ACACA: variants seen among roughly 807,000 people sequenced by gnomAD.
The protein encoded by ACACA is acetyl-CoA carboxylase 1.
ACACA carries 103 observed loss-of-function variants against 296.1 expected under a neutral mutation model. That is an observed-to-expected ratio of 0.35 (90% CI 0.30 to 0.41). The LOEUF (loss-of-function observed/expected upper bound fraction) is 0.41. Among genes scored for constraint, ACACA ranks in the 10% least tolerant of loss-of-function variants. ACACA has a pLI of 1.00. For missense variants in ACACA, 1,554 were observed against 2,989.7 expected, an observed-to-expected ratio of 0.52 and a Z score of 11.20; for synonymous variants, 953 against 1,038.6, an observed-to-expected ratio of 0.92 and a Z score of 1.58.
intron 45 of ACACA, among the ~76,000 whole-genome samples, chr17:37,145,595 T>C (rs2075775762): frequency 6.6e-6 from 1 of 152,242 alleles, no homozygotes; most frequent in Admixed American, 6.5e-5. Flanking sequence ...CAGTGAAACT[T>C]AGGGACATGA....
intron 1 of ACACA, among the ~76,000 whole-genome samples, chr17:37,357,774 A>T (rs1302523897): frequency 6.6e-6 from 1 of 152,162 alleles, no homozygotes; most frequent in Non-Finnish European, 1.5e-5. Flanking sequence ...TGCTTTTCTG[A>T]AAAGTGCCTG....
intron 45 of ACACA, 85 bp downstream of exon 45, chr17:37,149,779 C>G: frequency 8.1e-7 from 1 of 1,233,092 alleles, no homozygotes; most frequent in Non-Finnish European, 1.2e-6. Context: ...TGAACTGCTT[C>G]CTTCCAATCA....
chr17:37,339,669 A>G, intron 2 of ACACA, 135 bp downstream of exon 2: 1 of 639,348 alleles, frequency 1.6e-6, no homozygotes, highest in East Asian at 2.6e-5. Context: ...TGTTCACTTC[A>G]GGTTATCCAC....
intron 25 of ACACA, among the ~76,000 whole-genome samples, chr17:37,227,605 A>G (rs2079602006): frequency 6.6e-6 from 1 of 152,170 alleles, no homozygotes. Flanking sequence ...GCTGTGGCTC[A>G]CGCCTGTAAT....
intron 1 of ACACA, among the ~76,000 whole-genome samples, chr17:37,358,634 G>A (rs921541700): frequency 2.6e-5 from 4 of 152,228 alleles, no homozygotes; most frequent in African/African-American, 9.6e-5. Flanking sequence ...AATCGGATTG[G>A]AGAGGGGTCT....
intron 1 of ACACA, among the ~76,000 whole-genome samples, chr17:37,404,891 T>G (rs2051416337): frequency 6.6e-6 from 1 of 152,126 alleles, no homozygotes; most frequent in Admixed American, 6.6e-5. Context: ...AGTGATCCTT[T>G]TACAGCAAAG....
rs1278594130 is a variant in ACACA at position 37,097,176 on chromosome 17, GAGA to G, written c.6721-13_6721-11del. 1.9e-6 allele frequency: 3 copies of G among 1,612,280 alleles called. No homozygotes were observed. Among genetic ancestry groups the G allele is most frequent in the African/African-American group, 1.3e-5 (1 of 75,046 alleles). On this transcript the variant is annotated splice_polypyrimidine_tract_variant and intron_variant, in intron 53 of 55. Transcript: ENST00000616317. This position sits in a 1 kb window ranked among gnomAD's most constrained non-coding sequence, Gnocchi z 4.8. ...TCCAATCCAGGATATCCTACATGCA[GAGA>G]AGAATAAACTTAGCCCAGTCCTAAT...
At chr17:37,382,249 A>G (rs899401490) in intron 1 of ACACA, among the ~76,000 whole-genome samples, 2 of 151,960 alleles carry the variant, frequency 1.3e-5, no homozygotes, top group African/African-American at 4.8e-5. Context: ...ACACTGGGGG[A>G]GAATGCCTAT....
At chr17:37,352,151 C>T (rs572024655) in intron 1 of ACACA, among the ~76,000 whole-genome samples, 1 of 151,934 alleles carries the variant, frequency 6.6e-6, no homozygotes, top group South Asian at 2.1e-4. Flanking sequence ...ATCTCCTGAC[C>T]TTGTGATCTG....
chr17:37,110,925 T>A (rs757990204), intron 52 of ACACA, among the ~76,000 whole-genome samples: 9 of 152,160 alleles, frequency 5.9e-5, no homozygotes, highest in Non-Finnish European at 1.3e-4. Flanking sequence ...AGGACTCCCA[T>A]GGTTTAGTCC....
intron 1 of ACACA, among the ~76,000 whole-genome samples, chr17:37,390,175 T>TATACACAC (rs60788220): frequency 4.2e-3 from 188 of 44,486 alleles, no homozygotes; most frequent in Admixed American, 5.6e-3. Context: ...TATATATATA[T>TATACACAC]ACACACACAC....
chr17:37,098,340 A>G (rs1282448519), intron 52 of ACACA, among the ~76,000 whole-genome samples: 1 of 152,194 alleles, frequency 6.6e-6, no homozygotes, highest in Non-Finnish European at 1.5e-5. Context: ...TGAGGCCAGT[A>G]CTTGTACACT....
In ACACA at chr17:37,240,547, C is replaced by T. The variant is rs1385648978; in HGVS notation, c.3050G>A (p.Arg1017Gln). The T allele has an allele frequency of 2.5e-6, 4 of 1,613,060 alleles. No individual in the cohort carries two copies. The highest frequency in any genetic ancestry group is 1.7e-5 in the Admixed American group (1 of 59,962). ...QLVQRYRSGI[R>Q]GHMKAVVMDL... is the part of the protein sequence containing the mutation. ...CATCACCACAGCCTTCATGTGGCCT[C>T]GGATGCCACTTCGGTACCTAGGCAA... Residue 1017 changes from arginine (R) to glutamine (Q), a missense_variant, in exon 24 of 56, where the codon CGA (arginine) becomes CAA (glutamine). Arg to Gln is a conservative substitution (Grantham distance 43). Coordinates refer to ENST00000616317, the MANE Select transcript of ACACA (RefSeq NM_198834.3).
At chr17:37,107,443 C>T (rs1277057044) in intron 52 of ACACA, among the ~76,000 whole-genome samples, 1 of 152,196 alleles carries the variant, frequency 6.6e-6, no homozygotes, top group Non-Finnish European at 1.5e-5. Flanking sequence ...GGAAGGCATT[C>T]CTGAAGATTT....
chr17:37,246,860 T>C lies in ACACA; in HGVS notation c.2426A>G (p.His809Arg), dbSNP rs1567876639. 6.2e-7 allele frequency: 1 copy of C among 1,614,072 alleles called. No homozygotes were observed. Among genetic ancestry groups the C allele is most frequent in the Admixed American group, 1.7e-5 (1 of 60,014 alleles). The change falls in exon 19 of 56, where the codon CAT (histidine) becomes CGT (arginine). Residue 809 changes from histidine (H) to arginine (R), a missense_variant. His to Arg is a conservative substitution (Grantham distance 29). Around this residue, in one of 16 missense-constraint regions of ACACA, gnomAD observed 316 missense variants for 540.9 expected, o/e 0.58. Coordinates refer to ENST00000616317, the MANE Select transcript of ACACA (RefSeq NM_198834.3). Reference protein sequence around the residue: ...LIQYIVEDGGHVFAGQCYAEI... With the variant: ...LIQYIVEDGGRVFAGQCYAEI... ...AGCATAGCACTGGCCGGCAAACACATGACCTCCATCTTCTACAATGTACTG... is the reference window on the plus strand; with the variant it reads ...AGCATAGCACTGGCCGGCAAACACACGACCTCCATCTTCTACAATGTACTG...
rs777849202 is a variant in ACACA at position 37,193,325 on chromosome 17, TAAGAAA to T, written c.4200+43_4200+48del. 7 of 1,433,946 alleles carry T rather than the reference TAAGAAA, an allele frequency of 4.9e-6. No homozygotes were observed. The African/African-American group carries it at 5.7e-5, about 12-fold the overall frequency. The allele number at this position is 1,433,946 out of a possible 1,614,324, so 88.8% of individuals were successfully genotyped here. ...CAAAGATAAGCCGCTCTTGGGCTTT[TAAGAAA>T]AAGTAATTTTTTTTTTTAAATAGGA... On this transcript the variant is annotated intron_variant, in intron 36 of 55. Coordinates refer to ENST00000616317, the MANE Select transcript of ACACA (RefSeq NM_198834.3).
chr17:37,380,833 G>A (rs1034831273), intron 1 of ACACA, among the ~76,000 whole-genome samples: 8 of 151,352 alleles, frequency 5.3e-5, no homozygotes, highest in African/African-American at 1.9e-4. Flanking sequence ...CTGACCTCAA[G>A]TATCTGCCCG....
intron 27 of ACACA, among the ~76,000 whole-genome samples, chr17:37,224,606 T>C (rs1443992216): frequency 6.6e-6 from 1 of 152,148 alleles, no homozygotes; most frequent in Non-Finnish European, 1.5e-5. Context: ...ACTACCTATG[T>C]ATACATCTGA....
At chr17:37,249,786 T>G (rs1363722776) in intron 16 of ACACA, among the ~76,000 whole-genome samples, 1 of 152,238 alleles carries the variant, frequency 6.6e-6, no homozygotes, top group African/African-American at 2.4e-5. Context: ...ATATTGCATG[T>G]TGATATGGTT....
Sources: gnomAD v4.1 joint callset for allele counts (sites outside exome capture counted in the v4.1 genomes callset) on GRCh38, gnomAD v4.1.1 for gene constraint, gnomAD v4.1.1 regional missense constraint, Gnocchi (gnomAD v3.1) non-coding constraint, MANE v1.5 for transcripts, NCBI Gene and HGNC (gene_info 2026-07-23, HGNC 2026-07-21) for gene names.